Variants in GREB1 observed in about 807,000 individuals in gnomAD.
GREB1 encodes the protein growth regulating estrogen receptor binding 1, also known as protein GREB1.
Under a neutral mutation model 200.7 loss-of-function variants are expected in GREB1, and 106 were observed. That is an observed-to-expected ratio of 0.53 (90% CI 0.45 to 0.62). The LOEUF (loss-of-function observed/expected upper bound fraction) is 0.62. GREB1 is among the 20% of genes least tolerant of loss of function. GREB1 has a pLI of 0.00. For missense variants in GREB1, 2,243 were observed against 2,556.8 expected, an observed-to-expected ratio of 0.88 and a Z score of 2.65; for synonymous variants, 1,132 against 1,092.4, an observed-to-expected ratio of 1.04 and a Z score of -0.72.
At chr2:11,573,061 A>G (rs1322044795) in intron 4 of GREB1, among the ~76,000 whole-genome samples, 1 of 152,188 alleles carries the variant, frequency 6.6e-6, no homozygotes, top group Non-Finnish European at 1.5e-5. Flanking sequence ...AGCAAAGCTC[A>G]GAGGTGTTAG....
intron 24 of GREB1, among the ~76,000 whole-genome samples, chr2:11,625,694 C>A (rs888823198): frequency 6.6e-6 from 1 of 152,176 alleles, no homozygotes; most frequent in Non-Finnish European, 1.5e-5. Flanking sequence ...CAGGGATCCC[C>A]AACATCCATG....
At chr2:11,574,199 G>A (rs950517015) in intron 4 of GREB1, among the ~76,000 whole-genome samples, 1 of 152,160 alleles carries the variant, frequency 6.6e-6, no homozygotes, top group Non-Finnish European at 1.5e-5. Flanking sequence ...GATGTTAACC[G>A]GCTGCCTGCC....
At chr2:11,582,168 A>AC (rs1251634729) in intron 7 of GREB1, among the ~76,000 whole-genome samples, 1 of 151,938 alleles carries the variant, frequency 6.6e-6, no homozygotes. Context: ...CTGTCTGTGG[A>AC]CCCCCAGCCT....
chr2:11,556,635 A>G lies in GREB1; in HGVS notation c.21A>G (p.Gly7=). 1 of 1,612,204 alleles carries G rather than the reference A, an allele frequency of 6.2e-7. No homozygotes were observed. The part of the protein sequence containing the change: MGNSYA[G]QLKTTRFEEV... ...TGAAGATGGGAAATTCTTACGCTGG[A>G]CAGCTGAAGACGACACGCTTTGAAG... is the stretch of plus-strand genomic sequence containing the variant. Residue 7 remains glycine, a synonymous_variant, in exon 2 of 33, where the codon GGA becomes GGG. Coordinates refer to ENST00000381486, the MANE Select transcript of GREB1 (RefSeq NM_014668.4).
intron 24 of GREB1, 106 bp from the exon 25 acceptor site, chr2:11,626,856 T>G: frequency 8.6e-7 from 1 of 1,156,246 alleles, no homozygotes; most frequent in Non-Finnish European, 1.3e-6. Context: ...CCAGACAGAA[T>G]CCTGTTGTCT....
rs374670043 is a variant in GREB1 at position 11,618,749 on chromosome 2, G to A, written c.3874G>A (p.Ala1292Thr). The A allele has an allele frequency of 5.0e-6, 8 of 1,613,232 alleles. No individual in the cohort carries two copies. The highest frequency in any genetic ancestry group is 5.9e-6 in the Non-Finnish European group (7 of 1,179,834). The change falls in exon 22 of 33, where the codon GCC (alanine) becomes ACC (threonine). Residue 1292 changes from alanine (A) to threonine (T), a missense_variant. Coordinates refer to ENST00000381486, the MANE Select transcript of GREB1 (RefSeq NM_014668.4). ...CCTGCCCTCCCCCTCGGTCATGTGG[G>A]CCAGCTCTTTCCGCCCCCTGCTCAG... is the stretch of plus-strand genomic sequence containing the variant. Reference protein sequence around the residue: ...SLLPSPSVMWASSFRPLLSKT... With the variant: ...SLLPSPSVMWTSSFRPLLSKT...
Position 11,587,067 on chromosome 2 carries a change from G to A in GREB1, c.1159+1162G>A, listed in dbSNP as rs116985450. On this transcript the variant is annotated intron_variant, in intron 9 of 32. Transcript: ENST00000381486. ...AACCTCGGAAAAGAAAGCCCAGCAA[G>A]TCTACGTCTCACACGAGCAATCTCA... 8.7e-4 allele frequency among the ~76,000 whole-genome samples: 132 copies of A among 152,340 alleles called. No individual in the cohort carries two copies. The East Asian group carries it at 0.024, about 28-fold the overall frequency.
chr2:11,510,403 G>T lies in GREB1; in HGVS notation c.-159+28022G>T, dbSNP rs137898309. Among the ~76,000 whole-genome samples, 149 of 152,270 alleles carry T rather than the reference G, an allele frequency of 9.8e-4. 5 individuals carry two copies. The East Asian group carries it at 0.025, about 25-fold the overall frequency. On this transcript the variant is annotated intron_variant, in intron 1 of 2. Coordinates refer to the GREB1 transcript ENST00000628795. ...TTCATCATTGGATTTAGCCACAATT[G>T]CCAGTCACTGCTAAGATCCATGATT...
At chr2:11,620,230 C>T (rs1325045375) in intron 22 of GREB1, among the ~76,000 whole-genome samples, 1 of 152,212 alleles carries the variant, frequency 6.6e-6, no homozygotes, top group Non-Finnish European at 1.5e-5. Flanking sequence ...CCGCCTCAGC[C>T]TCCCAAAGTG....
At position 11,551,109 on chromosome 2, in the gene GREB1, C is replaced by G. The variant is rs551553576; in HGVS notation, c.-161-5345C>G. ...TTGAGCTAGCTCACTGTTGCCACTT[C>G]AAACTGACCTGGGTCAGTTGGCTTC... On this transcript the variant is annotated intron_variant, in intron 1 of 32. Transcript: ENST00000381486. 3.9e-4 allele frequency among the ~76,000 whole-genome samples: 59 copies of G among 152,326 alleles called. 1 individual carries two copies. The highest frequency in any genetic ancestry group is 1.4e-3 in the African/African-American group (59 of 41,572).
intron 10 of GREB1, chr2:11,591,578 G>A (rs765320120): frequency 1.1e-5 from 7 of 644,388 alleles, no homozygotes; most frequent in Admixed American, 2.4e-5. Context: ...GCTTAGGTGC[G>A]GTAAAACCAG....
At chr2:11,639,018 T>G (rs1685606691) in intron 32 of GREB1, among the ~76,000 whole-genome samples, 1 of 152,196 alleles carries the variant, frequency 6.6e-6, no homozygotes, top group Non-Finnish European at 1.5e-5. Flanking sequence ...CCTGTTTGGG[T>G]AGAGGCAAGA....
intron 27 of GREB1, among the ~76,000 whole-genome samples, chr2:11,632,496 G>A (rs907752506): frequency 2.8e-4 from 42 of 151,886 alleles, no homozygotes; most frequent in African/African-American, 9.7e-4. Context: ...CAGCCATGAC[G>A]CCCGGCTAAT....
At chr2:11,627,981 G>A (rs1232490720) in intron 25 of GREB1, among the ~76,000 whole-genome samples, 1 of 152,212 alleles carries the variant, frequency 6.6e-6, no homozygotes, top group Non-Finnish European at 1.5e-5. Flanking sequence ...GGGTTTCCAG[G>A]GGATGGGAAG....
chr2:11,612,061 G>A (rs1473825256), intron 18 of GREB1, among the ~76,000 whole-genome samples: 1 of 152,146 alleles, frequency 6.6e-6, no homozygotes, highest in Non-Finnish European at 1.5e-5. Flanking sequence ...AGATGGGGTG[G>A]CGTGCGCCTG....
chr2:11,635,400 T>C lies in GREB1; in HGVS notation c.5341T>C (p.Ser1781Pro), dbSNP rs770392605. 1 of 1,608,458 alleles carries C rather than the reference T, an allele frequency of 6.2e-7. No individual in the cohort carries two copies. Among genetic ancestry groups the C allele is most frequent in the Non-Finnish European group, 8.5e-7 (1 of 1,177,212 alleles). Residue 1781 changes from serine to proline, a missense_variant, in exon 30 of 33, where the codon TCC becomes CCC. Coordinates refer to ENST00000381486, the MANE Select transcript of GREB1 (RefSeq NM_014668.4). ...VGGHRSFHIT[S>P]KVSDNSAAVV... ...CGGCCACAGGTCCTTCCACATCACA[T>C]CCAAGGTGAGCTCCTCGCTGCTGGG...
intron 23 of GREB1, among the ~76,000 whole-genome samples, chr2:11,624,182 C>T (rs1222287247): frequency 2.0e-5 from 3 of 152,100 alleles, no homozygotes; most frequent in Non-Finnish European, 4.4e-5. Flanking sequence ...GGCCATGTCC[C>T]AGGCCTTCAC....
At chr2:11,583,554 A>G (rs1679737341) in intron 7 of GREB1, among the ~76,000 whole-genome samples, 1 of 152,272 alleles carries the variant, frequency 6.6e-6, no homozygotes, top group African/African-American at 2.4e-5. Context: ...CTCACCCTGC[A>G]GCGTGCTTAA....
rs147617162 is a variant in GREB1 at position 11,631,813 on chromosome 2, C to T, written c.4612-96C>T. 1.1e-3 allele frequency: 1,018 copies of T among 925,864 alleles called. 10 individuals carry two copies. The African/African-American group carries it at 0.012, about 11-fold the overall frequency. 57.4% of individuals were successfully genotyped at this position (925,864 alleles called of 1,614,324 possible). ...ATTCCAGCAGTGTAGGCATGGTCATCATTCTTTGACGGAAAATACTGCAAA... is the reference window on the plus strand; with the variant it reads ...ATTCCAGCAGTGTAGGCATGGTCATTATTCTTTGACGGAAAATACTGCAAA... On this transcript the variant is annotated intron_variant, in intron 26 of 32. Transcript: ENST00000381486.
Sources: gnomAD v4.1 joint callset for allele counts (sites outside exome capture counted in the v4.1 genomes callset) on GRCh38, gnomAD v4.1.1 for gene constraint, MANE v1.5 for transcripts, NCBI Gene and HGNC (gene_info 2026-07-23, HGNC 2026-07-21) for gene names.